Variants in PTPRM observed in about 807,000 individuals in gnomAD.
The protein encoded by PTPRM is receptor-type tyrosine-protein phosphatase mu.
A neutral mutation model predicts 186.7 loss-of-function variants in PTPRM; 47 were observed. That is an observed-to-expected ratio of 0.25 (90% CI 0.20 to 0.32). The LOEUF (loss-of-function observed/expected upper bound fraction) is 0.32. PTPRM is among the 10% of genes least tolerant of loss of function. PTPRM has a pLI of 1.00. For synonymous variants in PTPRM, 668 were observed against 674.9 expected (o/e 0.99, Z 0.16); for missense variants, 1,494 against 1,865.0 (o/e 0.80, Z 3.66).
intron 1 of PTPRM, among the ~76,000 whole-genome samples, chr18:7,623,652 A>T (rs545076065): frequency 3.4e-4 from 52 of 152,286 alleles, no homozygotes; most frequent in Non-Finnish European, 6.3e-4. Flanking sequence ...TTCATTATTA[A>T]TAATGTTACC....
intron 2 of PTPRM, among the ~76,000 whole-genome samples, chr18:7,816,539 T>G (rs1382410746): frequency 1.3e-5 from 2 of 152,168 alleles, no homozygotes; most frequent in African/African-American, 4.8e-5. Flanking sequence ...AGAATCTACA[T>G]TCGTTAGTAT....
intron 20 of PTPRM, among the ~76,000 whole-genome samples, chr18:8,303,464 A>T (rs2095184054): frequency 6.6e-6 from 1 of 152,030 alleles, no homozygotes; most frequent in African/African-American, 2.4e-5. Context: ...TAATTGAGTG[A>T]CTCCAACAGC....
At chr18:8,344,717 G>C (rs866209316) in intron 23 of PTPRM, among the ~76,000 whole-genome samples, 1 of 151,868 alleles carries the variant, frequency 6.6e-6, no homozygotes. Context: ...CTGGGCAGGG[G>C]GTTCTGTGTG....
intron 1 of PTPRM, among the ~76,000 whole-genome samples, chr18:7,716,621 C>G (rs1050632608): frequency 2.0e-5 from 3 of 152,104 alleles, no homozygotes; most frequent in Admixed American, 2.0e-4. Flanking sequence ...CTGCAAAGTA[C>G]TTAAACTTAT....
chr18:8,249,824 C>G (rs1838816873), intron 17 of PTPRM, among the ~76,000 whole-genome samples: 1 of 152,104 alleles, frequency 6.6e-6, no homozygotes, highest in Admixed American at 6.5e-5. Flanking sequence ...ATTCAAGTAG[C>G]AAAAATGATG....
At chr18:8,216,526 C>T (rs1011638021) in intron 14 of PTPRM, among the ~76,000 whole-genome samples, 9 of 152,096 alleles carry the variant, frequency 5.9e-5, no homozygotes, top group Non-Finnish European at 1.2e-4. Context: ...AATACTTTTT[C>T]TCTCATTCAT....
At chr18:8,371,451 T>C (rs1302326326) in intron 24 of PTPRM, among the ~76,000 whole-genome samples, 1 of 152,128 alleles carries the variant, frequency 6.6e-6, no homozygotes, top group East Asian at 1.9e-4. Context: ...ATCTCTCACT[T>C]CCTTGTGGCT....
At chr18:8,043,601 G>A (rs573427963) in intron 7 of PTPRM, among the ~76,000 whole-genome samples, 1 of 151,924 alleles carries the variant, frequency 6.6e-6, no homozygotes, top group South Asian at 2.1e-4. Flanking sequence ...CTCCATGTTG[G>A]GAGGAATGTT....
chr18:7,789,032 A>C (rs966952538), intron 2 of PTPRM, among the ~76,000 whole-genome samples: 1 of 152,132 alleles, frequency 6.6e-6, no homozygotes, highest in African/African-American at 2.4e-5. Context: ...CAGATAAAGA[A>C]TATCTTGGGC....
chr18:8,378,161 G>A, intron 26 of PTPRM, 104 bp from the exon 27 acceptor site: 1 of 1,203,546 alleles, frequency 8.3e-7, no homozygotes, highest in Non-Finnish European at 1.2e-6. Context: ...TCTCTCTGGA[G>A]GAACTGTCTC....
chr18:7,612,520 G>A lies in PTPRM; in HGVS notation c.73+44629G>A, dbSNP rs141338234. On this transcript the variant is annotated intron_variant, in intron 1 of 32. Transcript: ENST00000580170. ...TCTCAATTGTTCCACGATTCACTTT[G>A]ATTTTATCAGCCTTGGACCCTTGCT... Among the ~76,000 whole-genome samples, 705 of 152,232 alleles carry A rather than the reference G, an allele frequency of 4.6e-3. 3 individuals carry two copies. The highest frequency in any genetic ancestry group is 7.4e-3 in the Non-Finnish European group (500 of 68,018).
In PTPRM at chr18:7,698,774, G is replaced by A. The variant is rs901751585; in HGVS notation, c.74-75375G>A. Among the ~76,000 whole-genome samples the A allele has an allele frequency of 6.6e-5, 10 of 152,224 alleles. 1 individual carries two copies. The highest frequency in any genetic ancestry group is 1.2e-4 in the Non-Finnish European group (8 of 68,012). On this transcript the variant is annotated intron_variant, in intron 1 of 32. Transcript: ENST00000580170. Reference sequence around the variant, plus strand: ...TACTAACACTTGGTCTGTCATTTTCGTTTTCTCCATTCTGGTGGTTATGTG... The same window carrying A: ...TACTAACACTTGGTCTGTCATTTTCATTTTCTCCATTCTGGTGGTTATGTG...
At chr18:7,630,411 A>G (rs1433906692) in intron 1 of PTPRM, among the ~76,000 whole-genome samples, 2 of 152,182 alleles carry the variant, frequency 1.3e-5, no homozygotes, top group African/African-American at 4.8e-5. Context: ...GACTTCAGCA[A>G]GAGCCGTTTA....
chr18:8,280,129 T>A (rs1202760645), intron 19 of PTPRM, among the ~76,000 whole-genome samples: 1 of 152,074 alleles, frequency 6.6e-6, no homozygotes, highest in Non-Finnish European at 1.5e-5. Context: ...TTTCTCACAG[T>A]CTGGAGGCTG....
In PTPRM at chr18:8,383,276, G is replaced by A. The variant is rs185395910; in HGVS notation, c.3919-1285G>A. 9.1e-3 allele frequency among the ~76,000 whole-genome samples: 968 copies of A among 106,310 alleles called. 7 individuals are homozygous for A. The highest frequency in any genetic ancestry group is 0.058 in the Middle Eastern group (5 of 86). 69.7% of individuals were successfully genotyped at this position (106,310 alleles called of 152,430 possible). On this transcript the variant is annotated intron_variant, in intron 29 of 32. Coordinates refer to ENST00000580170, the MANE Select transcript of PTPRM (RefSeq NM_001105244.2). ...TCACACCACTGCACTCCAACCTGGCGACAGAACGAGCTTCTGCCTCAAAAA... is the reference window on the plus strand; with the variant it reads ...TCACACCACTGCACTCCAACCTGGCAACAGAACGAGCTTCTGCCTCAAAAA...
intron 13 of PTPRM, among the ~76,000 whole-genome samples, chr18:8,127,923 A>G (rs1043693794): frequency 1.3e-5 from 2 of 152,136 alleles, no homozygotes; most frequent in African/African-American, 4.8e-5. Context: ...ACCAACATAA[A>G]CAGTTCAATA....
chr18:8,124,493 T>C (rs899074842), intron 13 of PTPRM, among the ~76,000 whole-genome samples: 1 of 152,146 alleles, frequency 6.6e-6, no homozygotes, highest in African/African-American at 2.4e-5. Flanking sequence ...ACCAACTCTT[T>C]TCAGGAGTTT....
rs545054394 is a variant in PTPRM at position 8,372,115 on chromosome 18, A to G, written c.3171+1109A>G. Among the ~76,000 whole-genome samples, 32 of 117,924 alleles carry G rather than the reference A, an allele frequency of 2.7e-4. 1 individual carries two copies. Among genetic ancestry groups the G allele is most frequent in the African/African-American group, 1.0e-3 (32 of 31,962 alleles). The allele number at this position is 117,924 out of a possible 152,430, so 77.4% of individuals were successfully genotyped here. ...AGTCTCGCTCTGTCGCCCAGGCCGG[A>G]CTGCGGACTGCAGTGGCGCAATCTC... On this transcript the variant is annotated intron_variant, in intron 24 of 32. Coordinates refer to ENST00000580170, the MANE Select transcript of PTPRM (RefSeq NM_001105244.2).
chr18:8,086,472 T>C (rs1348796179), intron 10 of PTPRM, among the ~76,000 whole-genome samples: 2 of 152,178 alleles, frequency 1.3e-5, no homozygotes, highest in African/African-American at 4.8e-5. Context: ...TAGAGGAAAT[T>C]AAGCTGCCAT....
Sources: allele counts gnomAD v4.1 joint callset (sites outside exome capture counted in the v4.1 genomes callset), GRCh38; gene constraint gnomAD v4.1.1; transcripts MANE v1.5; gene names NCBI Gene and HGNC (gene_info 2026-07-23, HGNC 2026-07-21).